ADAMTS17: variants seen among roughly 807,000 people sequenced by gnomAD.
The protein encoded by ADAMTS17 is A disintegrin and metalloproteinase with thrombospondin motifs 17.
In ADAMTS17, 113 loss-of-function variants were observed where a neutral mutation model predicts 141.5. The ratio of observed to expected loss-of-function variants is 0.80; its 90% CI spans 0.69 to 0.93. The LOEUF (loss-of-function observed/expected upper bound fraction) is 0.93. ADAMTS17 is among the 40% of genes least tolerant of loss of function. ADAMTS17 has a pLI of 0.00. For synonymous variants in ADAMTS17, 768 were observed against 630.6 expected (o/e 1.22, Z -3.27); for missense variants, 1,659 against 1,517.9 (o/e 1.09, Z -1.54).
intron 7 of ADAMTS17, among the ~76,000 whole-genome samples, chr15:100,221,287 T>G (rs924241012): frequency 5.3e-5 from 8 of 152,094 alleles, no homozygotes; most frequent in African/African-American, 1.4e-4. Flanking sequence ...ACTTTTTTTT[T>G]TTTTAACAGT....
At chr15:99,987,020 G>A (rs978497506) in intron 20 of ADAMTS17, among the ~76,000 whole-genome samples, 1 of 152,202 alleles carries the variant, frequency 6.6e-6, no homozygotes, top group Non-Finnish European at 1.5e-5. Flanking sequence ...TGAGGGCTAG[G>A]GGCAGGGAGA....
rs142650902 is a variant in ADAMTS17 at position 100,119,297 on chromosome 15, G to A, written c.1722-2284C>T. On this transcript the variant is annotated intron_variant, in intron 12 of 21. Coordinates refer to ENST00000268070, the MANE Select transcript of ADAMTS17 (RefSeq NM_139057.4). ...GCCCCAGGAAACTAAGGAACCGGAC[G>A]ACACAAGGACCAGATGCTCCTCGCG... Among the ~76,000 whole-genome samples, 48 of 152,212 alleles carry A rather than the reference G, an allele frequency of 3.2e-4. 1 individual carries two copies. The East Asian group carries it at 8.7e-3, about 28-fold the overall frequency.
At chr15:100,137,895 C>G (rs1361880771) in intron 10 of ADAMTS17, among the ~76,000 whole-genome samples, 1 of 152,112 alleles carries the variant, frequency 6.6e-6, no homozygotes, top group African/African-American at 2.4e-5. Flanking sequence ...CTGCCAACAC[C>G]CACCCTTTCA....
At chr15:99,992,995 C>T in intron 20 of ADAMTS17, 53 bp downstream of exon 20, 1 of 1,611,342 alleles carries the variant, frequency 6.2e-7, no homozygotes. Context: ...GTTCCCGACC[C>T]TCGAGCCCCC....
chr15:100,246,334 G>T (rs1352097927), intron 7 of ADAMTS17, among the ~76,000 whole-genome samples: 4 of 152,096 alleles, frequency 2.6e-5, no homozygotes, highest in African/African-American at 9.7e-5. Context: ...TTAATACTAT[G>T]ATGAAAATGA....
At chr15:100,230,509 C>T (rs779790983) in intron 7 of ADAMTS17, among the ~76,000 whole-genome samples, 1 of 152,120 alleles carries the variant, frequency 6.6e-6, no homozygotes. Context: ...GTGGAGGAAA[C>T]GGGGTTAGAC....
intron 14 of ADAMTS17, among the ~76,000 whole-genome samples, chr15:100,105,946 C>G (rs1397697265): frequency 6.6e-6 from 1 of 152,180 alleles, no homozygotes; most frequent in Non-Finnish European, 1.5e-5. Context: ...CCGCCTTGGC[C>G]TCCCAAAGAT....
intron 15 of ADAMTS17, among the ~76,000 whole-genome samples, chr15:100,080,243 C>A (rs2034642888): frequency 1.3e-5 from 2 of 152,094 alleles, no homozygotes; most frequent in Admixed American, 6.5e-5. Flanking sequence ...ACAATGATTC[C>A]ATTAAACTGG....
chr15:100,126,645 T>C (rs545554314), intron 12 of ADAMTS17, among the ~76,000 whole-genome samples: 2 of 152,354 alleles, frequency 1.3e-5, no homozygotes, highest in South Asian at 4.1e-4. Flanking sequence ...TAATCGTTTA[T>C]GATCAGCTTT....
chr15:100,153,770 C>A lies in ADAMTS17; in HGVS notation c.1323-1008G>T, dbSNP rs552618271. ...TGGTTTAAGGCAGAAAACCCAGTCA[C>A]TTGCCAAGATTCTTAAGGAAAGAGT... On this transcript the variant is annotated intron_variant, in intron 9 of 21. Coordinates refer to ENST00000268070, the MANE Select transcript of ADAMTS17 (RefSeq NM_139057.4). 1.1e-4 allele frequency among the ~76,000 whole-genome samples: 17 copies of A among 152,334 alleles called. No homozygotes were observed. In the South Asian group the frequency reaches 3.3e-3, roughly 30 times the overall value.
At chr15:100,014,424 T>C (rs1294384138) in intron 18 of ADAMTS17, among the ~76,000 whole-genome samples, 1 of 152,170 alleles carries the variant, frequency 6.6e-6, no homozygotes, top group Non-Finnish European at 1.5e-5. Context: ...TTGTTCTTGT[T>C]TCTCTAGTTC....
chr15:100,052,542 C>T (rs969825877), intron 16 of ADAMTS17, among the ~76,000 whole-genome samples: 2 of 152,202 alleles, frequency 1.3e-5, no homozygotes, highest in Non-Finnish European at 2.9e-5. Flanking sequence ...GCTCAGTTTA[C>T]AAAGGCTTTT....
intron 8 of ADAMTS17, among the ~76,000 whole-genome samples, chr15:100,174,891 A>C (rs1470463566): frequency 6.6e-6 from 1 of 152,222 alleles, no homozygotes; most frequent in African/African-American, 2.4e-5. Context: ...TCTTTCCACA[A>C]AATCTCATCT....
intron 15 of ADAMTS17, among the ~76,000 whole-genome samples, chr15:100,093,556 C>T (rs780636638): frequency 9.2e-5 from 14 of 152,120 alleles, no homozygotes; most frequent in African/African-American, 2.2e-4. Context: ...GGGCTTTCTA[C>T]GATTTCCATG....
intron 20 of ADAMTS17, among the ~76,000 whole-genome samples, chr15:99,986,705 C>T (rs1243096085): frequency 6.6e-6 from 1 of 152,082 alleles, no homozygotes; most frequent in Admixed American, 6.6e-5. Flanking sequence ...TGGAAACATC[C>T]CATCATTTCA....
intron 6 of ADAMTS17, among the ~76,000 whole-genome samples, chr15:100,261,173 C>A (rs2043502433): frequency 6.6e-6 from 1 of 152,110 alleles, no homozygotes; most frequent in Non-Finnish European, 1.5e-5. Context: ...GTAAGGTGAG[C>A]CCAAATCCCA....
chr15:100,221,708 T>C (rs1031997777), intron 7 of ADAMTS17, among the ~76,000 whole-genome samples: 1 of 152,214 alleles, frequency 6.6e-6, no homozygotes, highest in African/African-American at 2.4e-5. Flanking sequence ...GAAGGCTGTT[T>C]CTGTAAATGG....
At chr15:100,144,686 A>C (rs2038816462) in intron 10 of ADAMTS17, among the ~76,000 whole-genome samples, 1 of 152,096 alleles carries the variant, frequency 6.6e-6, no homozygotes, top group Non-Finnish European at 1.5e-5. Flanking sequence ...GAAAAGTATA[A>C]TCTCTTTCCT....
At chr15:100,003,621 A>T (rs1456464673) in intron 18 of ADAMTS17, among the ~76,000 whole-genome samples, 1 of 152,164 alleles carries the variant, frequency 6.6e-6, no homozygotes, top group Non-Finnish European at 1.5e-5. Context: ...AATAGCCAAA[A>T]GGTGGAAACG....
Sources: gnomAD v4.1 joint callset for allele counts (sites outside exome capture counted in the v4.1 genomes callset) on GRCh38, gnomAD v4.1.1 for gene constraint, MANE v1.5 for transcripts, NCBI Gene and HGNC (gene_info 2026-07-23, HGNC 2026-07-21) for gene names.